The following VWA5B1 variants were observed in gnomAD, a reference collection of about 807,000 sequenced individuals.
The protein encoded by VWA5B1 is von Willebrand factor A domain-containing protein 5B1.
Under a neutral mutation model 118.2 loss-of-function variants are expected in VWA5B1, and 115 were observed. The ratio of observed to expected loss-of-function variants is 0.97; its 90% CI spans 0.84 to 1.14. The LOEUF is 1.14. VWA5B1 is among the 50% of genes most tolerant of loss of function. The pLI is 0.00. For synonymous variants in VWA5B1, 682 were observed against 658.4 expected (o/e 1.04, Z -0.55); for missense variants, 1,596 against 1,603.8 (o/e 1.00, Z 0.08).
At chr1:20,334,736 G>A (rs55766191) in intron 12 of VWA5B1, among the ~76,000 whole-genome samples, 24,522 of 152,004 alleles carry the variant, frequency 0.16, 2,389 homozygotes, top group East Asian at 0.51. Flanking sequence ...ACTTGAACCC[G>A]GAAGACAGAG....
In VWA5B1 at chr1:20,328,619, A is replaced by C. The variant is rs149653742; in HGVS notation, c.1254+619A>C. Among the ~76,000 whole-genome samples, 819 of 152,290 alleles carry C rather than the reference A, an allele frequency of 5.4e-3. 7 individuals carry two copies. The highest frequency in any genetic ancestry group is 0.017 in the African/African-American group (704 of 41,556). The stretch of plus-strand genomic sequence containing the variant: ...TAAAAATAATGTTATGAGTTTTAAA[A>C]ATGCAAGAATAATATATGTTGCATG... On this transcript the variant is annotated intron_variant, in intron 9 of 21. Transcript: ENST00000289815.
chr1:20,339,552 C>T (rs1028868640), intron 14 of VWA5B1, among the ~76,000 whole-genome samples: 4 of 151,604 alleles, frequency 2.6e-5, no homozygotes, highest in African/African-American at 9.8e-5. Flanking sequence ...TCAAACAAAA[C>T]ATCAAACAAA....
chr1:20,332,791 T>C lies in VWA5B1; in HGVS notation c.1598T>C (p.Met533Thr). 6.4e-7 allele frequency: 1 copy of C among 1,551,740 alleles called. No homozygotes were observed. The highest frequency in any genetic ancestry group is 8.7e-7 in the Non-Finnish European group (1 of 1,146,992). ...PKMVKSLKKA[M>T]APVLSDVTVE... ...ATGGTCAAATCCTTGAAGAAGGCCATGGCCCCAGTCCTGAGCGATGTGACT... is the reference window on the plus strand; with the variant it reads ...ATGGTCAAATCCTTGAAGAAGGCCACGGCCCCAGTCCTGAGCGATGTGACT... Residue 533 changes from methionine to threonine, a missense_variant, in exon 12 of 22, where the codon ATG becomes ACG. Transcript: ENST00000289815.
intron 1 of VWA5B1, among the ~76,000 whole-genome samples, chr1:20,298,318 T>C (rs2088445531): frequency 6.6e-6 from 1 of 152,126 alleles, no homozygotes; most frequent in South Asian, 2.1e-4. Flanking sequence ...CAGTGGTGAA[T>C]CTGAAAGGGT....
chr1:20,321,122 A>AAAAC (rs1175141644), intron 7 of VWA5B1, among the ~76,000 whole-genome samples: 1 of 151,894 alleles, frequency 6.6e-6, no homozygotes, highest in Non-Finnish European at 1.5e-5. Flanking sequence ...GCAAAAAAAA[A>AAAAC]AAAAAAACAC....
chr1:20,305,449 AT>A (rs1420003572), intron 1 of VWA5B1, among the ~76,000 whole-genome samples: 2 of 152,120 alleles, frequency 1.3e-5, no homozygotes, highest in African/African-American at 4.8e-5. Context: ...CTAAAGGAGT[AT>A]GATTGAGACC....
Position 20,355,356 on chromosome 1 carries a change from T to C in VWA5B1, c.*1093T>C, listed in dbSNP as rs970374571. 9.2e-5 allele frequency among the ~76,000 whole-genome samples: 14 copies of C among 152,180 alleles called. No homozygotes were observed. The highest frequency in any genetic ancestry group is 2.1e-4 in the Non-Finnish European group (14 of 68,022). Reference sequence around the variant, plus strand: ...GGGCTTCCTGCCCTCAAGCCCACTGTGTGATGCCTACATGGGGAATGGCGT... The same window carrying C: ...GGGCTTCCTGCCCTCAAGCCCACTGCGTGATGCCTACATGGGGAATGGCGT... On this transcript the variant is annotated 3_prime_UTR_variant, in exon 22 of 22. Coordinates refer to ENST00000289815, the MANE Select transcript of VWA5B1 (RefSeq NM_001039500.3).
rs571962295 is a variant in VWA5B1, at chr1:20,356,911, G to T, written c.*2648G>T. ...GGACTGCTAGGCAGAGGACCTAGGGGACTCGCTTTAAGGAAAAGATAAGAA... is the reference window on the plus strand; with the variant it reads ...GGACTGCTAGGCAGAGGACCTAGGGTACTCGCTTTAAGGAAAAGATAAGAA... On this transcript the variant is annotated 3_prime_UTR_variant, in exon 22 of 22. Transcript: ENST00000289815. 6.6e-6 allele frequency among the ~76,000 whole-genome samples: 1 copy of T among 152,330 alleles called. No individual in the cohort carries two copies. Among genetic ancestry groups the T allele is most frequent in the South Asian group, 2.1e-4 (1 of 4,830 alleles).
intron 4 of VWA5B1, among the ~76,000 whole-genome samples, chr1:20,317,223 T>C (rs2089040628): frequency 6.6e-6 from 1 of 151,122 alleles, no homozygotes; most frequent in South Asian, 2.1e-4. Context: ...TGAGCTTCAG[T>C]GTCCCCACAT....
Position 20,313,814 on chromosome 1 carries a change from G to A in VWA5B1, c.293-508G>A, listed in dbSNP as rs1570095733. ...GGATCTGTCTAGGAGTAACCATGAT[G>A]GGAGCAGGGGGTGGAAAGTGGCTGT... On this transcript the variant is annotated intron_variant, in intron 3 of 21. Coordinates refer to ENST00000289815, the MANE Select transcript of VWA5B1 (RefSeq NM_001039500.3). Among the ~76,000 whole-genome samples the A allele has an allele frequency of 5.9e-5, 9 of 152,318 alleles. 1 individual carries two copies. The South Asian group carries it at 1.9e-3, about 32-fold the overall frequency.
intron 20 of VWA5B1, among the ~76,000 whole-genome samples, chr1:20,351,355 C>T (rs2090125247): frequency 6.6e-6 from 1 of 151,202 alleles, no homozygotes; most frequent in Non-Finnish European, 1.5e-5. Flanking sequence ...CCTGTCTCTA[C>T]AAAAAATTTA....
chr1:20,355,237 G>A lies in VWA5B1; in HGVS notation c.*974G>A, dbSNP rs1296505077. Among the ~76,000 whole-genome samples, 1 of 152,218 alleles carries A rather than the reference G, an allele frequency of 6.6e-6. No individual in the cohort carries two copies. The highest frequency in any genetic ancestry group is 1.5e-5 in the Non-Finnish European group (1 of 68,042). On this transcript the variant is annotated 3_prime_UTR_variant, in exon 22 of 22. Coordinates refer to ENST00000289815, the MANE Select transcript of VWA5B1 (RefSeq NM_001039500.3). ...TGCCACGCTGTGGGAGAGAGGCTTG[G>A]CTGCAGTGCCTTTGGGGATGGCAGC...
intron 14 of VWA5B1, among the ~76,000 whole-genome samples, chr1:20,339,917 A>G (rs1570194108): frequency 6.6e-6 from 1 of 152,152 alleles, no homozygotes; most frequent in Non-Finnish European, 1.5e-5. Context: ...CCATCCATCA[A>G]AAGATATTTA....
chr1:20,336,736 C>T (rs2089728896), intron 13 of VWA5B1, among the ~76,000 whole-genome samples: 1 of 152,126 alleles, frequency 6.6e-6, no homozygotes. Context: ...TGTTAGTTTC[C>T]ATTCAAAGGG....
chr1:20,296,537 A>G (rs1300734197), intron 1 of VWA5B1, among the ~76,000 whole-genome samples: 2 of 152,248 alleles, frequency 1.3e-5, no homozygotes, highest in African/African-American at 4.8e-5. Context: ...TTTAATCATT[A>G]TGCTGTGACA....
intron 1 of VWA5B1, among the ~76,000 whole-genome samples, chr1:20,291,361 C>CTT (rs1444209981): frequency 0.015 from 2,045 of 135,662 alleles, 41 homozygotes; most frequent in African/African-American, 0.056. Context: ...TTCTTTCTTT[C>CTT]TCTCTCTCTC....
At chr1:20,322,817 T>C (rs967532456) in intron 7 of VWA5B1, among the ~76,000 whole-genome samples, 36 of 152,166 alleles carry the variant, frequency 2.4e-4, no homozygotes, top group African/African-American at 8.2e-4. Context: ...AACTAAGTAA[T>C]TAAGTCCACC....
rs1570253184 is a variant in VWA5B1 at position 20,357,096 on chromosome 1, T to C, written c.*2833T>C. On this transcript the variant is annotated 3_prime_UTR_variant, in exon 22 of 22. Transcript: ENST00000289815. ...GTCATACAAAGGAATATTTATGCCC[T>C]GCACTGTCTGAAGAAAGGGCTAATG... Among the ~76,000 whole-genome samples the C allele has an allele frequency of 6.6e-6, 1 of 152,324 alleles. No individual in the cohort carries two copies. The highest frequency in any genetic ancestry group is 1.9e-4 in the East Asian group (1 of 5,176).
At chr1:20,348,070 G>A (rs2090044738) in intron 17 of VWA5B1, among the ~76,000 whole-genome samples, 175 bp from the exon 18 acceptor site, 3 of 152,288 alleles carry the variant, frequency 2.0e-5, no homozygotes, top group Middle Eastern at 3.4e-3. Context: ...TGGGGCTGGG[G>A]CTCAAACCTG....
Sources: allele counts gnomAD v4.1 joint callset (sites outside exome capture counted in the v4.1 genomes callset), GRCh38; gene constraint gnomAD v4.1.1; transcripts MANE v1.5; gene names NCBI Gene and HGNC (gene_info 2026-07-23, HGNC 2026-07-21).